DNAH11: variants seen among roughly 807,000 people sequenced by gnomAD.
DNAH11 encodes the protein axonemal beta dynein heavy chain 11.
DNAH11 carries 442 observed loss-of-function variants against 526.0 expected under a neutral mutation model. That is an observed-to-expected ratio of 0.84 (90% CI 0.78 to 0.91). The LOEUF (loss-of-function observed/expected upper bound fraction) is 0.91. Among genes scored for constraint, DNAH11 ranks in the 40% least tolerant of loss-of-function variants. DNAH11 has a pLI of 0.00. For missense variants in DNAH11, 6,989 were observed against 5,448.7 expected, an observed-to-expected ratio of 1.28 and a Z score of -8.90; for synonymous variants, 2,461 against 1,935.9, an observed-to-expected ratio of 1.27 and a Z score of -7.12.
rs780329507 is a variant in DNAH11, at chr7:21,801,198, T to C, written c.10088T>C (p.Val3363Ala). The C allele has an allele frequency of 6.2e-7, 1 of 1,613,324 alleles. No individual in the cohort carries two copies. The highest frequency in any genetic ancestry group is 1.1e-5 in the South Asian group (1 of 90,882). Residue 3363 changes from valine to alanine, a missense_variant, in exon 62 of 82, where the codon GTC becomes GCC. By Grantham distance (64) the Val-to-Ala change is moderately conservative (BLOSUM62 0). Coordinates refer to ENST00000409508, the MANE Select transcript of DNAH11 (RefSeq NM_001277115.2). The stretch of plus-strand genomic sequence containing the variant: ...TTTGAAAAAGCAACAGCTGAGAAAG[T>C]CCGGTGTCAAGAAGAGGTGAACCAA... The part of the protein sequence containing the change: ...ASFEKATAEK[V>A]RCQEEVNQTN...
At chr7:21,807,300 A>G (rs1213825355) in intron 62 of DNAH11, among the ~76,000 whole-genome samples, 1 of 152,122 alleles carries the variant, frequency 6.6e-6, no homozygotes, top group Non-Finnish European at 1.5e-5. Context: ...TGAGTTTGAG[A>G]CCAGCCTGGG....
In DNAH11 at chr7:21,861,849, C is replaced by G. The variant is rs200188856; in HGVS notation, c.11203-4C>G. On this transcript the variant is annotated splice_region_variant and splice_polypyrimidine_tract_variant and intron_variant, in intron 68 of 81. Coordinates refer to ENST00000409508, the MANE Select transcript of DNAH11 (RefSeq NM_001277115.2). ...CATTTTAATGGTCACATTAAATTTC[C>G]CAGGCTTTTAACGTGCTGTTCCACA... The G allele has an allele frequency of 1.9e-6, 3 of 1,609,506 alleles. No homozygotes were observed. The highest frequency in any genetic ancestry group is 1.7e-6 in the Non-Finnish European group (2 of 1,178,302).
At chr7:21,683,542 G>A (rs192307801) in intron 31 of DNAH11, among the ~76,000 whole-genome samples, 3 of 152,162 alleles carry the variant, frequency 2.0e-5, no homozygotes, top group Admixed American at 6.5e-5. Context: ...AGAGGAAAAA[G>A]CATTGCTTGA....
chr7:21,899,560 GCAGCAGCCATTATAGAAAGGAC>G, intron 80 of DNAH11, 112 bp downstream of exon 80: 1 of 831,394 alleles, frequency 1.2e-6, no homozygotes, highest in Non-Finnish European at 1.9e-6. Context: ...CAATCCTCAA[GCAGCAGCCATTATAGAAAGGAC>G]CAGCAGCTAT....
intron 66 of DNAH11, among the ~76,000 whole-genome samples, chr7:21,843,447 A>T (rs1346933089): frequency 6.6e-6 from 1 of 151,890 alleles, no homozygotes; most frequent in Non-Finnish European, 1.5e-5. Flanking sequence ...CACAGATTAA[A>T]AACTATAAAG....
intron 9 of DNAH11, among the ~76,000 whole-genome samples, chr7:21,586,972 A>C (rs906959230): frequency 6.6e-6 from 1 of 152,226 alleles, no homozygotes; most frequent in African/African-American, 2.4e-5. Flanking sequence ...ATTTGGGAAA[A>C]TCATTCCCTC....
chr7:21,834,173 G>A (rs1781897561), intron 65 of DNAH11, among the ~76,000 whole-genome samples: 1 of 152,044 alleles, frequency 6.6e-6, no homozygotes, highest in South Asian at 2.1e-4. Flanking sequence ...GACCACAACA[G>A]AATAAAACTA....
At chr7:21,856,157 AGTT>A in intron 68 of DNAH11, among the ~76,000 whole-genome samples, 1 of 152,100 alleles carries the variant, frequency 6.6e-6, no homozygotes, top group Non-Finnish European at 1.5e-5. Flanking sequence ...AATCACGCAG[AGTT>A]TTGTAGACCA....
At chr7:21,702,315 A>G (rs1261824985) in intron 36 of DNAH11, among the ~76,000 whole-genome samples, 1 of 152,184 alleles carries the variant, frequency 6.6e-6, no homozygotes, top group Non-Finnish European at 1.5e-5. Context: ...GGGGAGAAGT[A>G]GAATACCAGG....
intron 44 of DNAH11, among the ~76,000 whole-genome samples, chr7:21,721,105 C>G (rs1784859209): frequency 6.6e-6 from 1 of 152,190 alleles, no homozygotes; most frequent in East Asian, 1.9e-4. Flanking sequence ...GTGTTTCTGG[C>G]TGCTCTGGGG....
chr7:21,556,535 A>G (rs189819933), intron 2 of DNAH11, among the ~76,000 whole-genome samples: 1 of 152,158 alleles, frequency 6.6e-6, no homozygotes, highest in Admixed American at 6.5e-5. Context: ...TCCAATTTTT[A>G]TCTTAGATTC....
intron 70 of DNAH11, 22 bp downstream of exon 70, chr7:21,864,679 T>C: frequency 6.4e-7 from 1 of 1,553,878 alleles, no homozygotes; most frequent in Non-Finnish European, 8.7e-7. Context: ...ATACAGTTTC[T>C]CAAATTCTGG....
At chr7:21,705,031 G>A (rs779153492) in intron 38 of DNAH11, among the ~76,000 whole-genome samples, 2 of 152,206 alleles carry the variant, frequency 1.3e-5, no homozygotes, top group Non-Finnish European at 2.9e-5. Flanking sequence ...GATATTATCT[G>A]ACATATCAAA....
chr7:21,572,278 T>C (rs1783923062), intron 8 of DNAH11, among the ~76,000 whole-genome samples: 1 of 152,228 alleles, frequency 6.6e-6, no homozygotes, highest in South Asian at 2.1e-4. Context: ...CTGATGTCCA[T>C]GTAACTCGTG....
intron 57 of DNAH11, among the ~76,000 whole-genome samples, chr7:21,780,466 T>C (rs1219594233): frequency 6.6e-6 from 1 of 152,198 alleles, no homozygotes; most frequent in Non-Finnish European, 1.5e-5. Context: ...TAGCTAATTC[T>C]ACCCAGGGAA....
intron 51 of DNAH11, among the ~76,000 whole-genome samples, chr7:21,748,171 A>G (rs1202637015): frequency 2.9e-5 from 4 of 140,334 alleles, no homozygotes; most frequent in African/African-American, 2.6e-5. Context: ...TCACTATACT[A>G]TTTATCTAAA....
At position 21,640,499 on chromosome 7, in the gene DNAH11, G is replaced by A. The variant is rs192329243; in HGVS notation, c.4944+1434G>A. Among the ~76,000 whole-genome samples, 629 of 152,176 alleles carry A rather than the reference G, an allele frequency of 4.1e-3. 3 individuals are homozygous for A. The highest frequency in any genetic ancestry group is 5.8e-3 in the Non-Finnish European group (397 of 68,034). On this transcript the variant is annotated intron_variant, in intron 28 of 81. Coordinates refer to ENST00000409508, the MANE Select transcript of DNAH11 (RefSeq NM_001277115.2). ...GAGAGGTACATAAATCTGTGAGTAG[G>A]TAAGCATTCTTTTTCTTTTAATCAT...
At chr7:21,735,206 C>T (rs1185673322) in intron 45 of DNAH11, among the ~76,000 whole-genome samples, 2 of 152,128 alleles carry the variant, frequency 1.3e-5, no homozygotes, top group South Asian at 4.2e-4. Context: ...GCATTGGTCC[C>T]GATTTTCATT....
chr7:21,747,560 A>G (rs934838385), intron 51 of DNAH11, among the ~76,000 whole-genome samples: 16 of 152,246 alleles, frequency 1.1e-4, no homozygotes, highest in Admixed American at 7.2e-4. Context: ...ATCTTTTGCT[A>G]AAGTTAAAGC....
Sources: allele counts gnomAD v4.1 joint callset (sites outside exome capture counted in the v4.1 genomes callset), GRCh38; gene constraint gnomAD v4.1.1; transcripts MANE v1.5; gene names NCBI Gene and HGNC (gene_info 2026-07-23, HGNC 2026-07-21).